Variants in SDK2 observed in about 807,000 individuals in gnomAD.
SDK2 encodes sidekick cell adhesion molecule 2, also known as protein sidekick-2.
SDK2 carries 105 observed loss-of-function variants against 253.9 expected under a neutral mutation model. The observed-to-expected ratio is 0.41, with a 90% confidence interval of 0.35 to 0.49. The LOEUF is 0.49. Among genes scored for constraint, SDK2 ranks in the 20% least tolerant of loss-of-function variants. The pLI is 0.06. For missense variants in SDK2, 2,608 were observed against 3,003.0 expected (o/e 0.87, Z 3.07); for synonymous variants, 1,249 against 1,234.9 (o/e 1.01, Z -0.24).
chr17:73,591,864 T>C (rs1217886600), intron 1 of SDK2, among the ~76,000 whole-genome samples: 1 of 152,154 alleles, frequency 6.6e-6, no homozygotes, highest in African/African-American at 2.4e-5. Flanking sequence ...GGAAGCCTCC[T>C]CATCTTCAAA....
At chr17:73,468,381 A>G (rs756067670) in intron 3 of SDK2, among the ~76,000 whole-genome samples, 2 of 152,192 alleles carry the variant, frequency 1.3e-5, no homozygotes, top group Non-Finnish European at 2.9e-5. Flanking sequence ...TATTATTAAT[A>G]CATTTTAGGG....
intron 2 of SDK2, among the ~76,000 whole-genome samples, chr17:73,486,775 G>A (rs555483176): frequency 2.0e-5 from 3 of 152,242 alleles, no homozygotes; most frequent in Admixed American, 6.5e-5. Flanking sequence ...CAGGAAGTGG[G>A]AGAAATCAAT....
At position 73,443,375 on chromosome 17, in the gene SDK2, G is replaced by T. The variant is rs2063430176; in HGVS notation, c.614-2452C>A. Among the ~76,000 whole-genome samples, 1 of 152,276 alleles carries T rather than the reference G, an allele frequency of 6.6e-6. No individual in the cohort carries two copies. Among genetic ancestry groups the T allele is most frequent in the African/African-American group, 2.4e-5 (1 of 41,470 alleles). On this transcript the variant is annotated intron_variant, in intron 5 of 44. Coordinates refer to ENST00000392650, the MANE Select transcript of SDK2 (RefSeq NM_001144952.2). The surrounding 1 kb of genome is among the most constrained non-coding windows in gnomAD (Gnocchi z 4.6). ...ATAACGAGCGATCGGATTGAAAGCT[G>T]CTGATATAGCTGAATCCATAAAAGT...
chr17:73,545,099 GCACACA>G (rs58966207), intron 1 of SDK2, among the ~76,000 whole-genome samples: 1,504 of 145,814 alleles, frequency 0.01, 34 homozygotes, highest in African/African-American at 0.037. Flanking sequence ...GCACGTGCAC[GCACACA>G]CACACACACA....
chr17:73,606,833 T>C (rs1336156843), intron 1 of SDK2, among the ~76,000 whole-genome samples: 2 of 151,882 alleles, frequency 1.3e-5, no homozygotes, highest in African/African-American at 2.4e-5. Flanking sequence ...AGTGGTGACA[T>C]AGTGGGTGAG....
chr17:73,521,696 C>A (rs1173313542), intron 1 of SDK2, among the ~76,000 whole-genome samples: 1 of 152,164 alleles, frequency 6.6e-6, no homozygotes, highest in Non-Finnish European at 1.5e-5. Context: ...CTTGGTTTTG[C>A]TAGAGGATGG....
At chr17:73,483,270 C>T (rs1166766906) in intron 2 of SDK2, among the ~76,000 whole-genome samples, 2 of 149,138 alleles carry the variant, frequency 1.3e-5, no homozygotes, top group South Asian at 2.1e-4. Flanking sequence ...GAGAGTGGGG[C>T]GACCCGCGGA....
chr17:73,625,485 G>A (rs1452512120), intron 1 of SDK2, among the ~76,000 whole-genome samples: 3 of 152,176 alleles, frequency 2.0e-5, no homozygotes, highest in African/African-American at 7.2e-5. Context: ...AACACCTGAA[G>A]GTCTCACCAG....
At chr17:73,544,574 A>C (rs965051334) in intron 1 of SDK2, among the ~76,000 whole-genome samples, 5 of 152,220 alleles carry the variant, frequency 3.3e-5, no homozygotes, top group African/African-American at 7.2e-5. Context: ...GTATGTATGC[A>C]TGTGTGTATG....
chr17:73,584,468 A>G (rs2045577877), intron 1 of SDK2, among the ~76,000 whole-genome samples: 1 of 152,166 alleles, frequency 6.6e-6, no homozygotes, highest in Admixed American at 6.5e-5. Context: ...CTTCTCCCCA[A>G]AGAGGGAAAC....
intron 38 of SDK2, among the ~76,000 whole-genome samples, chr17:73,362,876 C>T (rs115544623): frequency 3.9e-4 from 59 of 152,310 alleles, no homozygotes; most frequent in African/African-American, 1.1e-3. Flanking sequence ...CCATCGAGCA[C>T]GCCAGTCACC....
At chr17:73,477,029 C>T (rs895670446) in intron 2 of SDK2, among the ~76,000 whole-genome samples, 5 of 152,188 alleles carry the variant, frequency 3.3e-5, no homozygotes, top group African/African-American at 7.2e-5. Context: ...GTAACAGTTC[C>T]GCCCACTGCC....
At chr17:73,617,722 A>AT (rs2046079729) in intron 1 of SDK2, among the ~76,000 whole-genome samples, 6 of 152,196 alleles carry the variant, frequency 3.9e-5, no homozygotes, top group Admixed American at 3.9e-4. Context: ...TCTGTCCCTG[A>AT]TGCCACTTAA....
intron 1 of SDK2, among the ~76,000 whole-genome samples, chr17:73,574,023 G>A (rs746037921): frequency 2.6e-5 from 4 of 152,170 alleles, no homozygotes; most frequent in Non-Finnish European, 4.4e-5. Context: ...CCTGGCCTTC[G>A]TGGGCCCTGT....
chr17:73,621,903 A>C (rs2046137713), intron 1 of SDK2, among the ~76,000 whole-genome samples: 1 of 152,224 alleles, frequency 6.6e-6, no homozygotes, highest in African/African-American at 2.4e-5. Context: ...ATTTGGTGAA[A>C]GACATGTATT....
At chr17:73,430,476 C>T in intron 12 of SDK2, 35 bp downstream of exon 12, 1 of 1,501,944 alleles carries the variant, frequency 6.7e-7, no homozygotes, top group Non-Finnish European at 9.2e-7. Context: ...GGCTCCCCCT[C>T]CCCTCTTGCC....
chr17:73,411,457 G>T (rs557121086), intron 18 of SDK2, among the ~76,000 whole-genome samples: 25 of 152,240 alleles, frequency 1.6e-4, no homozygotes, highest in African/African-American at 5.3e-4. Flanking sequence ...CTGAAGCTCA[G>T]GGCCTGCAGT....
intron 2 of SDK2, among the ~76,000 whole-genome samples, chr17:73,504,920 A>G (rs8069843): frequency 0.6 from 91,626 of 151,896 alleles, 28,103 homozygotes; most frequent in Non-Finnish European, 0.66. Flanking sequence ...ACCTTGCCTC[A>G]GGGGCACAGC....
chr17:73,445,015 T>G (rs1257751400), intron 5 of SDK2, among the ~76,000 whole-genome samples: 2 of 152,238 alleles, frequency 1.3e-5, no homozygotes, highest in Non-Finnish European at 2.9e-5. Context: ...CCCAATTCAG[T>G]TATTAGAACA....
Sources: gnomAD v4.1 joint callset for allele counts (sites outside exome capture counted in the v4.1 genomes callset) on GRCh38, gnomAD v4.1.1 for gene constraint, Gnocchi (gnomAD v3.1) non-coding constraint, MANE v1.5 for transcripts, NCBI Gene and HGNC (gene_info 2026-07-23, HGNC 2026-07-21) for gene names.